Variants in TNFSF4 observed in about 807,000 individuals in gnomAD.
TNFSF4 encodes the protein tumor necrosis factor ligand superfamily member 4.
A neutral mutation model predicts 7.3 loss-of-function variants in TNFSF4; 4 were observed. The ratio of observed to expected loss-of-function variants is 0.55; its 90% CI spans 0.27 to 1.25. The LOEUF (loss-of-function observed/expected upper bound fraction) is 1.25, where lower values mean the gene tolerates loss of function less well. Ranked by LOEUF, TNFSF4 falls within the 50% of genes most tolerant of loss-of-function variation. TNFSF4 has a pLI of 0.12. For missense variants in TNFSF4, 181 were observed against 208.8 expected (o/e 0.87, Z 0.82); for synonymous variants, 76 against 83.7 (o/e 0.91, Z 0.50).
At chr1:173,252,643 A>T in the TNFSF4 span, among the ~76,000 whole-genome samples, 1 of 152,166 alleles carries the variant, frequency 6.6e-6, no homozygotes, top group African/African-American at 2.4e-5. Flanking sequence ...CAATTAGGGA[A>T]CAACTGTTCC....
At chr1:173,179,022 A>T (rs1241663179), downstream of TNFSF4, among the ~76,000 whole-genome samples, 2 of 152,212 alleles carry the variant, frequency 1.3e-5, no homozygotes, top group Non-Finnish European at 1.5e-5. Context: ...CAAGGAGATG[A>T]GTTCTCCCGA....
chr1:173,241,138 T>C, the TNFSF4 span, among the ~76,000 whole-genome samples: 4 of 152,156 alleles, frequency 2.6e-5, no homozygotes, highest in African/African-American at 2.4e-5. Context: ...AAAAACTTTG[T>C]TGGGAAAGTG....
the TNFSF4 span, among the ~76,000 whole-genome samples, chr1:173,402,744 A>C: frequency 6.6e-5 from 10 of 152,220 alleles, no homozygotes; most frequent in African/African-American, 1.9e-4. Context: ...GTAAGGACAG[A>C]AAAGTAGCCA....
the TNFSF4 span, among the ~76,000 whole-genome samples, chr1:173,272,239 A>G: frequency 6.6e-6 from 1 of 152,096 alleles, no homozygotes; most frequent in African/African-American, 2.4e-5. Flanking sequence ...GAAATACCTA[A>G]TGTAAATGAC....
the TNFSF4 span, among the ~76,000 whole-genome samples, chr1:173,327,233 A>C: frequency 4.6e-5 from 7 of 152,162 alleles, no homozygotes; most frequent in East Asian, 1.9e-4. Flanking sequence ...ACTATCTGAT[A>C]TTTGACAAAC....
At chr1:173,206,736 C>T (rs554538756) in intron 1 of TNFSF4, among the ~76,000 whole-genome samples, 1 of 152,080 alleles carries the variant, frequency 6.6e-6, no homozygotes, top group Non-Finnish European at 1.5e-5. Flanking sequence ...TTCAAAGTGA[C>T]AGCTTATAAA....
the TNFSF4 span, among the ~76,000 whole-genome samples, chr1:173,267,474 T>C: frequency 6.6e-6 from 1 of 152,312 alleles, no homozygotes; most frequent in Middle Eastern, 3.4e-3. Flanking sequence ...ATCTGCTCTA[T>C]TGTATGTGTG....
the TNFSF4 span, among the ~76,000 whole-genome samples, chr1:173,255,294 T>A: frequency 3.3e-5 from 5 of 152,234 alleles, no homozygotes; most frequent in Non-Finnish European, 5.9e-5. Context: ...CTGAACAGAC[T>A]TTGGCAGGAC....
the TNFSF4 span, among the ~76,000 whole-genome samples, chr1:173,219,487 T>C: frequency 6.6e-6 from 1 of 152,154 alleles, no homozygotes; most frequent in East Asian, 1.9e-4. Context: ...CGTAAAGAAC[T>C]AAAAGTAGAA....
the TNFSF4 span, among the ~76,000 whole-genome samples, chr1:173,446,226 G>A: frequency 6.6e-6 from 1 of 150,764 alleles, no homozygotes; most frequent in South Asian, 2.1e-4. Flanking sequence ...TTGAACAAAG[G>A]GAAAAAAACA....
At chr1:173,257,326 C>A in the TNFSF4 span, among the ~76,000 whole-genome samples, 1 of 152,170 alleles carries the variant, frequency 6.6e-6, no homozygotes, top group African/African-American at 2.4e-5. Flanking sequence ...ATTTAGATAA[C>A]ACTTTATTAA....
At chr1:173,424,665 T>C in the TNFSF4 span, among the ~76,000 whole-genome samples, 1 of 152,124 alleles carries the variant, frequency 6.6e-6, no homozygotes, top group Admixed American at 6.5e-5. Context: ...GTGGAAAAGT[T>C]CCAGGTCCCA....
chr1:173,268,505 G>C, the TNFSF4 span, among the ~76,000 whole-genome samples: 3 of 152,024 alleles, frequency 2.0e-5, no homozygotes, highest in South Asian at 2.1e-4. Context: ...GAAATACCTA[G>C]AGCAACCACT....
chr1:173,343,591 C>T, the TNFSF4 span, among the ~76,000 whole-genome samples: 1 of 152,212 alleles, frequency 6.6e-6, no homozygotes, highest in Non-Finnish European at 1.5e-5. Flanking sequence ...TCAGATTATA[C>T]TTCTTCCAAG....
At chr1:173,311,347 AT>A in the TNFSF4 span, among the ~76,000 whole-genome samples, 1 of 152,048 alleles carries the variant, frequency 6.6e-6, no homozygotes, top group Admixed American at 6.6e-5. Context: ...GTAATATGGG[AT>A]TTGCTAATAA....
chr1:173,173,364 A>T, the TNFSF4 span, among the ~76,000 whole-genome samples: 1 of 152,232 alleles, frequency 6.6e-6, no homozygotes, highest in Non-Finnish European at 1.5e-5. Context: ...AACCTGTAAA[A>T]TCAAAAGAAA....
At chr1:173,224,450 AT>A in the TNFSF4 span, among the ~76,000 whole-genome samples, 2 of 152,076 alleles carry the variant, frequency 1.3e-5, no homozygotes, top group East Asian at 3.9e-4. Context: ...GAAAACACTT[AT>A]TTTTTTATGC....
chr1:173,441,494 T>C, the TNFSF4 span, among the ~76,000 whole-genome samples: 1 of 152,058 alleles, frequency 6.6e-6, no homozygotes, highest in African/African-American at 2.4e-5. Context: ...CATGATGGTG[T>C]GCACCTGTAG....
At chr1:173,356,189 C>G in the TNFSF4 span, among the ~76,000 whole-genome samples, 110 of 152,260 alleles carry the variant, frequency 7.2e-4, no homozygotes, top group Non-Finnish European at 1.1e-3. Context: ...GGGAAGGCAA[C>G]CTATTCCAGG....
Sources: gnomAD v4.1 joint callset for allele counts (sites outside exome capture counted in the v4.1 genomes callset) on GRCh38, gnomAD v4.1.1 for gene constraint, MANE v1.5 for transcripts, NCBI Gene and HGNC (gene_info 2026-07-23, HGNC 2026-07-21) for gene names.